Variants in SRD5A2 observed in about 807,000 individuals in gnomAD.
SRD5A2 encodes 3-oxo-5-alpha-steroid 4-dehydrogenase 2.
A neutral mutation model predicts 27.4 loss-of-function variants in SRD5A2; 30 were observed. That is an observed-to-expected ratio of 1.10 (90% confidence interval 0.82 to 1.49). The LOEUF is 1.49. Ranked by LOEUF, SRD5A2 falls within the 40% of genes most tolerant of loss-of-function variation. The pLI is 0.00. For synonymous variants in SRD5A2, 141 were observed against 133.6 expected, an observed-to-expected ratio of 1.06 and a Z score of -0.38; for missense variants, 348 against 323.4, an observed-to-expected ratio of 1.08 and a Z score of -0.58.
At chr2:31,534,380 G>A (rs891965624) in intron 1 of SRD5A2, among the ~76,000 whole-genome samples, 3 of 152,038 alleles carry the variant, frequency 2.0e-5, no homozygotes, top group South Asian at 4.2e-4. Flanking sequence ...CTCATTGTGG[G>A]GTTTCTTCAA....
chr2:31,537,838 C>G (rs186439968), intron 1 of SRD5A2, among the ~76,000 whole-genome samples: 3 of 152,252 alleles, frequency 2.0e-5, no homozygotes, highest in African/African-American at 7.2e-5. Context: ...ATTAATGCTG[C>G]TATAAATAGG....
the SRD5A2 span, among the ~76,000 whole-genome samples, chr2:31,652,153 G>A: frequency 6.6e-6 from 1 of 152,058 alleles, no homozygotes; most frequent in South Asian, 2.1e-4. Context: ...ACGGGGTTTT[G>A]CCATGTTGTT....
intron 1 of SRD5A2, among the ~76,000 whole-genome samples, chr2:31,540,875 G>A (rs1372656027): frequency 6.6e-6 from 1 of 152,168 alleles, no homozygotes; most frequent in African/African-American, 2.4e-5. Context: ...CTAAGTATCA[G>A]GCATATGTGC....
At chr2:31,608,620 C>T in the SRD5A2 span, among the ~76,000 whole-genome samples, 403 of 151,908 alleles carry the variant, frequency 2.7e-3, 4 homozygotes, top group African/African-American at 9.5e-3. Context: ...TATTCCTATA[C>T]ATTAGAAAAG....
chr2:31,531,499 A>G (rs1161193103), intron 2 of SRD5A2, 27 bp from the exon 3 acceptor site: 1 of 1,498,604 alleles, frequency 6.7e-7, no homozygotes, highest in East Asian at 2.4e-5. Flanking sequence ...GAAAGGAGAA[A>G]TTTTTTTTAA....
the SRD5A2 span, among the ~76,000 whole-genome samples, chr2:31,631,447 G>A: frequency 6.6e-6 from 1 of 152,012 alleles, no homozygotes; most frequent in South Asian, 2.1e-4. Context: ...ATGACTAGGG[G>A]TACTGGCATC....
At chr2:31,578,517 G>C (rs991215591) in intron 1 of SRD5A2, among the ~76,000 whole-genome samples, 1 of 152,186 alleles carries the variant, frequency 6.6e-6, no homozygotes, top group African/African-American at 2.4e-5. Flanking sequence ...TTTACTCAGA[G>C]TGTTTGGCAC....
intron 1 of SRD5A2, among the ~76,000 whole-genome samples, chr2:31,550,959 G>A (rs1666370891): frequency 2.0e-5 from 3 of 151,706 alleles, no homozygotes; most frequent in Admixed American, 2.0e-4. Flanking sequence ...TATCTATGTG[G>A]GAAATCCCCA....
chr2:31,558,965 T>A (rs1666558559), intron 1 of SRD5A2, among the ~76,000 whole-genome samples: 1 of 152,148 alleles, frequency 6.6e-6, no homozygotes, highest in African/African-American at 2.4e-5. Flanking sequence ...CCAAATAAGG[T>A]CATAGTCTAA....
chr2:31,567,622 G>A (rs1231206714), intron 1 of SRD5A2, among the ~76,000 whole-genome samples: 6 of 152,072 alleles, frequency 3.9e-5, no homozygotes. Context: ...AACCACTGAT[G>A]TACTTTGTGT....
At chr2:31,610,936 C>A in the SRD5A2 span, among the ~76,000 whole-genome samples, 1 of 151,906 alleles carries the variant, frequency 6.6e-6, no homozygotes, top group Non-Finnish European at 1.5e-5. Flanking sequence ...GGTGAAACCC[C>A]ATCTCTACTA....
the SRD5A2 span, among the ~76,000 whole-genome samples, chr2:31,621,540 A>G: frequency 3.3e-5 from 5 of 152,166 alleles, no homozygotes; most frequent in African/African-American, 1.2e-4. Flanking sequence ...GGTTATTACA[A>G]GTAAGCTGCT....
At chr2:31,561,131 C>T (rs369164069) in intron 1 of SRD5A2, among the ~76,000 whole-genome samples, 1 of 152,140 alleles carries the variant, frequency 6.6e-6, no homozygotes, top group Non-Finnish European at 1.5e-5. Flanking sequence ...AGACTCAGCA[C>T]CTTTCCAAGA....
At position 31,526,045 on chromosome 2, in the gene SRD5A2, C is replaced by G; in HGVS notation, c.*151G>C. Reference sequence around the variant, plus strand: ...GGTAGGAGTAAACTCTAAGCAGACACCACTCAGAATCCCCAGGCCAGCTGG... The same window carrying G: ...GGTAGGAGTAAACTCTAAGCAGACAGCACTCAGAATCCCCAGGCCAGCTGG... On this transcript the variant is annotated 3_prime_UTR_variant, in exon 5 of 5. Coordinates refer to ENST00000622030, the MANE Select transcript of SRD5A2 (RefSeq NM_000348.4). 1 of 567,908 alleles carries G rather than the reference C, an allele frequency of 1.8e-6. No individual in the cohort carries two copies. 35.2% of individuals were successfully genotyped at this position (567,908 alleles called of 1,614,324 possible). A position where few individuals can be genotyped will look rare whatever the true frequency, so the allele number is the denominator to read the frequency against.
chr2:31,565,434 A>T (rs1666710954), intron 1 of SRD5A2, among the ~76,000 whole-genome samples: 1 of 151,860 alleles, frequency 6.6e-6, no homozygotes, highest in Admixed American at 6.6e-5. Context: ...AAAATTGAAC[A>T]GTATGCCACC....
the SRD5A2 span, among the ~76,000 whole-genome samples, chr2:31,612,828 C>A: frequency 6.6e-6 from 1 of 151,944 alleles, no homozygotes; most frequent in Non-Finnish European, 1.5e-5. Context: ...GCATTTTGAC[C>A]GAGGGAACAG....
the SRD5A2 span, among the ~76,000 whole-genome samples, chr2:31,649,226 A>G: frequency 6.6e-6 from 1 of 152,218 alleles, no homozygotes; most frequent in South Asian, 2.1e-4. Context: ...TACTTTAAGA[A>G]GAGAATGACT....
the SRD5A2 span, among the ~76,000 whole-genome samples, chr2:31,653,167 G>A: frequency 6.6e-6 from 1 of 152,044 alleles, no homozygotes; most frequent in South Asian, 2.1e-4. Context: ...TACCTCTTCA[G>A]AAGTCCGTCC....
At chr2:31,581,198 A>C, upstream of SRD5A2, 1 of 435,190 alleles carries the variant, frequency 2.3e-6, no homozygotes. Flanking sequence ...TTGTTCCTCA[A>C]CTATTAGCGT....
Sources: gnomAD v4.1 joint callset for allele counts (sites outside exome capture counted in the v4.1 genomes callset) on GRCh38, gnomAD v4.1.1 for gene constraint, MANE v1.5 for transcripts, NCBI Gene and HGNC (gene_info 2026-07-23, HGNC 2026-07-21) for gene names.